Variants in GPR146 observed in about 807,000 individuals in gnomAD.
GPR146 encodes the protein G-protein coupled receptor 146.
For synonymous variants in GPR146, 203 were observed against 104.3 expected (o/e 1.95, Z -5.77); for missense variants, 381 against 213.9 (o/e 1.78, Z -4.87).
At chr7:1,055,316 CGCGCAG>C (rs1363267129) in intron 1 of GPR146, 1 of 471,064 alleles carries the variant, frequency 2.1e-6, no homozygotes, top group Non-Finnish European at 4.4e-6. Context: ...CTCACACGCA[CGCGCAG>C]GCGGCCAGGC....
At chr7:1,057,419 T>G (rs1196365913) in intron 1 of GPR146, 73 bp from the exon 2 acceptor site, 4 of 630,912 alleles carry the variant, frequency 6.3e-6, no homozygotes, top group African/African-American at 1.8e-5. Flanking sequence ...AAGGCACCCC[T>G]GTACCTGCAG....
At position 1,057,667 on chromosome 7, in the gene GPR146, C is replaced by T. The variant is rs59884869; in HGVS notation, c.152C>T (p.Ala51Val). 3.9e-6 allele frequency: 3 copies of T among 770,904 alleles called. No individual in the cohort carries two copies. Among genetic ancestry groups the T allele is most frequent in the South Asian group, 1.4e-5 (1 of 73,820 alleles). The allele number at this position is 770,904 out of a possible 1,614,324, so 47.8% of individuals were successfully genotyped here. Residue 51 changes from alanine to valine, a missense_variant, in exon 2 of 2, where the codon GCC (alanine) becomes GTC (valine). By Grantham distance (64) the Ala-to-Val change is moderately conservative. Coordinates refer to ENST00000444847, the MANE Select transcript of GPR146 (RefSeq NM_001303473.2). ...GLCYNALLVLANLHSKASMTM... is the reference protein window; with the variant it reads ...GLCYNALLVLVNLHSKASMTM... ...TGCTACAACGCCCTGCTGGTGCTGGCCAACCTACACAGCAAGGCCAGCATG... is the reference window on the plus strand; with the variant it reads ...TGCTACAACGCCCTGCTGGTGCTGGTCAACCTACACAGCAAGGCCAGCATG...
intron 1 of GPR146, among the ~76,000 whole-genome samples, chr7:1,046,906 C>G (rs1472542845): frequency 1.3e-5 from 2 of 152,242 alleles, no homozygotes; most frequent in African/African-American, 4.8e-5. Context: ...GTGATAAGAT[C>G]TGCGGCTCAG....
At position 1,057,974 on chromosome 7, in the gene GPR146, T is replaced by C. The variant is rs1583609889; in HGVS notation, c.459T>C (p.Gly153=). Reference sequence around the variant, plus strand: ...GGCACGTGTGCGGCTTCGTGTGGGGTGGCGCGCTGCTGACCAGCTTCTCCT... The same window carrying C: ...GGCACGTGTGCGGCTTCGTGTGGGGCGGCGCGCTGCTGACCAGCTTCTCCT... ...NTRHVCGFVW[G]GALLTSFSSL... is the part of the protein sequence containing the mutation. Residue 153 remains glycine, a synonymous_variant, in exon 2 of 2, where the codon GGT becomes GGC. Transcript: ENST00000444847. The C allele has an allele frequency of 1.3e-6, 1 of 770,956 alleles. No homozygotes were observed. The highest frequency in any genetic ancestry group is 2.4e-6 in the Non-Finnish European group (1 of 417,930). 47.8% of individuals were successfully genotyped at this position (770,956 alleles called of 1,614,324 possible).
intron 1 of GPR146, among the ~76,000 whole-genome samples, chr7:1,050,092 G>A (rs951609519): frequency 1.1e-4 from 17 of 152,248 alleles, no homozygotes; most frequent in African/African-American, 3.6e-4. Flanking sequence ...CAAGCACAGG[G>A]TCTTCTGCAG....
At position 1,058,382 on chromosome 7, in the gene GPR146, C is replaced by T. The variant is rs370772176; in HGVS notation, c.867C>T (p.Ser289=). 9.0e-6 allele frequency: 7 copies of T among 780,624 alleles called. No homozygotes were observed. The African/African-American group carries it at 1.2e-4, about 13-fold the overall frequency. The allele number at this position is 780,624 out of a possible 1,614,324, so 48.4% of individuals were successfully genotyped here. ...CCAAACTCCTGGCCTTCTCCAGCAG[C>T]TTTGTGACACCACTTCTCTACCGCT... ...DFSKLLAFSS[S]FVTPLLYRYM... is the part of the protein sequence containing the mutation. The change falls in exon 2 of 2, where the codon AGC becomes AGT. Residue 289 remains serine, a synonymous_variant. Transcript: ENST00000444847.
chr7:1,044,964 G>A (rs1308600255), intron 1 of GPR146, among the ~76,000 whole-genome samples: 1 of 152,260 alleles, frequency 6.6e-6, no homozygotes, highest in Non-Finnish European at 1.5e-5. Context: ...TGTCCGACAG[G>A]GCACCACTGA....
In GPR146 at chr7:1,058,411, T is replaced by G. The variant is rs1420864938; in HGVS notation, c.896T>G (p.Met299Arg). 2 of 780,746 alleles carry G rather than the reference T, an allele frequency of 2.6e-6. No individual in the cohort carries two copies. Among genetic ancestry groups the G allele is most frequent in the Non-Finnish European group, 4.8e-6 (2 of 418,124 alleles). The allele number at this position is 780,746 out of a possible 1,614,324, so 48.4% of individuals were successfully genotyped here. A position where few individuals can be genotyped will look rare whatever the true frequency, so the allele number is the denominator to read the frequency against. ...GTGACACCACTTCTCTACCGCTACA[T>G]GAACCAGAGCTTCCCCAGCAAGCTC... ...SFVTPLLYRY[M>R]NQSFPSKLQR... Residue 299 changes from methionine (M) to arginine (R), a missense_variant, in exon 2 of 2, where the codon ATG becomes AGG. Met to Arg is a moderately conservative substitution (Grantham distance 91, BLOSUM62 -1). Transcript: ENST00000444847.
intron 1 of GPR146, among the ~76,000 whole-genome samples, chr7:1,051,799 C>A (rs750575890): frequency 6.6e-6 from 1 of 152,168 alleles, no homozygotes; most frequent in Non-Finnish European, 1.5e-5. Context: ...CATAGTGAGA[C>A]CCTGTCTCAA....
At chr7:1,046,579 C>T (rs1022381290) in intron 1 of GPR146, among the ~76,000 whole-genome samples, 2 of 152,200 alleles carry the variant, frequency 1.3e-5, no homozygotes, top group Admixed American at 6.5e-5. Context: ...AGTAGAATAA[C>T]GTTTCGCTCC....
At chr7:1,053,129 G>C (rs1783303861) in intron 1 of GPR146, among the ~76,000 whole-genome samples, 1 of 152,200 alleles carries the variant, frequency 6.6e-6, no homozygotes, top group Admixed American at 6.5e-5. Context: ...TCCCCAGACA[G>C]CCCGGCAGCC....
At position 1,058,478 on chromosome 7, in the gene GPR146, C is replaced by T. The variant is rs1563061508; in HGVS notation, c.963C>T (p.Cys321=). 2.6e-6 allele frequency: 2 copies of T among 780,272 alleles called. No homozygotes were observed. Among genetic ancestry groups the T allele is most frequent in the Admixed American group, 1.7e-5 (1 of 59,046 alleles). The allele number at this position is 780,272 out of a possible 1,614,324, so 48.3% of individuals were successfully genotyped here. A position where few individuals can be genotyped will look rare whatever the true frequency, so the allele number is the denominator to read the frequency against. ...MKKLPCGDRH[C]SPDHMGVQQV... ...AGCTGCCCTGCGGGGACCGGCACTG[C>T]TCCCCGGACCACATGGGGGTGCAGC... Residue 321 remains cysteine, a synonymous_variant, in exon 2 of 2, where the codon TGC becomes TGT. Transcript: ENST00000444847.
rs143603193 is a variant in GPR146, at chr7:1,057,941, C to T, written c.426C>T (p.Tyr142=). Residue 142 remains tyrosine (Y), a synonymous_variant, in exon 2 of 2, where the codon TAC becomes TAT. Coordinates refer to ENST00000444847, the MANE Select transcript of GPR146 (RefSeq NM_001303473.2). The stretch of plus-strand genomic sequence containing the variant: ...CGCGGACCTACATGGCCAGCGTGTA[C>T]AACACGCGGCACGTGTGCGGCTTCG... The part of the protein sequence containing the change: ...ALPRTYMASV[Y]NTRHVCGFVW... 27 of 773,376 alleles carry T rather than the reference C, an allele frequency of 3.5e-5. No individual in the cohort carries two copies. The African/African-American group carries it at 4.2e-4, about 12-fold the overall frequency. 47.9% of individuals were successfully genotyped at this position (773,376 alleles called of 1,614,324 possible). A position where few individuals can be genotyped will look rare whatever the true frequency, so the allele number is the denominator to read the frequency against.
chr7:1,054,282 C>T (rs1783489164), intron 1 of GPR146, among the ~76,000 whole-genome samples: 1 of 152,222 alleles, frequency 6.6e-6, no homozygotes, highest in South Asian at 2.1e-4. Flanking sequence ...CGGCTTGTAA[C>T]CTTCACTGGA....
At chr7:1,056,377 C>T (rs76525951) in intron 1 of GPR146, 17,489 of 152,604 alleles carry the variant, frequency 0.11, 1,232 homozygotes, top group Middle Eastern at 0.26. Flanking sequence ...CTGACCCTCA[C>T]TGCGGCTGCT....
intron 1 of GPR146, among the ~76,000 whole-genome samples, chr7:1,047,830 T>A (rs1583550270): frequency 6.6e-6 from 1 of 152,222 alleles, no homozygotes; most frequent in East Asian, 1.9e-4. Context: ...CTGCCTGCTC[T>A]CCTTTCTACT....
rs971164474 is a variant in GPR146 at position 1,058,942 on chromosome 7, C to T, written c.*425C>T. The T allele has an allele frequency of 2.1e-5, 4 of 186,542 alleles. No homozygotes were observed. The highest frequency in any genetic ancestry group is 5.1e-5 in the Non-Finnish European group (4 of 78,958). 11.6% of individuals were successfully genotyped at this position (186,542 alleles called of 1,614,324 possible). A position where few individuals can be genotyped will look rare whatever the true frequency, so the allele number is the denominator to read the frequency against. The stretch of plus-strand genomic sequence containing the variant: ...AAATAGTAAAATGAACAAAACCCTA[C>T]GAAAGAATGGCAACAGCCAGGGTGG... On this transcript the variant is annotated 3_prime_UTR_variant, in exon 2 of 2. Coordinates refer to ENST00000444847, the MANE Select transcript of GPR146 (RefSeq NM_001303473.2).
chr7:1,054,757 C>T (rs765995621), intron 1 of GPR146, among the ~76,000 whole-genome samples: 1 of 152,196 alleles, frequency 6.6e-6, no homozygotes, highest in Non-Finnish European at 1.5e-5. Flanking sequence ...TGTGTGGGGC[C>T]GGCTCAGCTT....
rs183102423 is a variant in GPR146 at position 1,053,321 on chromosome 7, C to T, written c.-24-4171C>T. The stretch of plus-strand genomic sequence containing the variant: ...AGGTGTGGCGACGGCGGGGGAGGGG[C>T]GTCCACAGTAGAGCCCAGAACCTTG... On this transcript the variant is annotated intron_variant, in intron 1 of 1. Coordinates refer to ENST00000444847, the MANE Select transcript of GPR146 (RefSeq NM_001303473.2). Among the ~76,000 whole-genome samples, 113 of 152,352 alleles carry T rather than the reference C, an allele frequency of 7.4e-4. 2 individuals carry two copies. Among genetic ancestry groups the T allele is most frequent in the Admixed American group, 7.1e-3 (108 of 15,308 alleles).
Sources: gnomAD v4.1 joint callset for allele counts (sites outside exome capture counted in the v4.1 genomes callset) on GRCh38, gnomAD v4.1.1 for gene constraint, MANE v1.5 for transcripts, NCBI Gene and HGNC (gene_info 2026-07-23, HGNC 2026-07-21) for gene names.